SPIDR: variants seen among roughly 807,000 people sequenced by gnomAD.
SPIDR encodes the protein scaffold protein involved in DNA repair, also known as DNA repair-scaffolding protein.
A neutral mutation model predicts 104.6 loss-of-function variants in SPIDR; 93 were observed. That is an observed-to-expected ratio of 0.89 (90% CI 0.75 to 1.06). The LOEUF is 1.06. Ranked by LOEUF, SPIDR falls within the 50% of genes least tolerant of loss-of-function variation. The probability of loss-of-function intolerance (pLI) is 0.00; values close to 1 mark genes in which losing one functional copy is unlikely to be tolerated. For missense variants in SPIDR, 1,154 were observed against 1,111.2 expected (o/e 1.04, Z -0.55); for synonymous variants, 431 against 416.9 (o/e 1.03, Z -0.41).
At chr8:47,348,396 C>G (rs1162982441) in intron 5 of SPIDR, among the ~76,000 whole-genome samples, 1 of 152,174 alleles carries the variant, frequency 6.6e-6, no homozygotes, top group Non-Finnish European at 1.5e-5. Flanking sequence ...TCCTTCATTT[C>G]AACCTTGGTG....
At chr8:47,403,107 T>C (rs996395522) in intron 6 of SPIDR, among the ~76,000 whole-genome samples, 1 of 152,160 alleles carries the variant, frequency 6.6e-6, no homozygotes, top group Non-Finnish European at 1.5e-5. Context: ...AAAAACCACA[T>C]GAATATCTCA....
intron 3 of SPIDR, among the ~76,000 whole-genome samples, chr8:47,290,235 G>T (rs2039663050): frequency 6.6e-6 from 1 of 152,180 alleles, no homozygotes; most frequent in African/African-American, 2.4e-5. Context: ...TAGAGACAGG[G>T]TTTCACCATG....
intron 15 of SPIDR, 176 bp downstream of exon 15, chr8:47,713,048 A>C: frequency 7.3e-7 from 1 of 1,374,042 alleles, no homozygotes; most frequent in Non-Finnish European, 9.4e-7. Context: ...TGTAGCAGCC[A>C]CCTGGGCAGA....
chr8:47,363,428 G>A (rs193143452), intron 5 of SPIDR, among the ~76,000 whole-genome samples: 1 of 148,146 alleles, frequency 6.8e-6, no homozygotes. Flanking sequence ...GAATGGTCTC[G>A]ATCTCCTGAC....
chr8:47,390,829 G>A (rs79027381), intron 5 of SPIDR, among the ~76,000 whole-genome samples: 1 of 152,296 alleles, frequency 6.6e-6, no homozygotes, highest in African/African-American at 2.4e-5. Flanking sequence ...CAGTTGAGCT[G>A]TGATCAAAAA....
intron 1 of SPIDR, among the ~76,000 whole-genome samples, chr8:47,264,699 G>A (rs567678782): frequency 2.6e-5 from 4 of 151,400 alleles, no homozygotes; most frequent in Admixed American, 6.6e-5. Context: ...GCCCGATCTC[G>A]GCTCACTGCA....
At chr8:47,284,709 G>C (rs1431004436) in intron 3 of SPIDR, among the ~76,000 whole-genome samples, 2 of 152,252 alleles carry the variant, frequency 1.3e-5, no homozygotes, top group Non-Finnish European at 2.9e-5. Context: ...TGTAGGTGCT[G>C]AGGATTTTCG....
intron 5 of SPIDR, among the ~76,000 whole-genome samples, chr8:47,349,163 A>T (rs1421515262): frequency 6.6e-6 from 1 of 152,060 alleles, no homozygotes; most frequent in Non-Finnish European, 1.5e-5. Context: ...GTTGATGTTG[A>T]TGCTATTCCT....
intron 5 of SPIDR, among the ~76,000 whole-genome samples, chr8:47,380,936 A>G (rs2059257035): frequency 6.6e-6 from 1 of 152,136 alleles, no homozygotes; most frequent in Non-Finnish European, 1.5e-5. Context: ...AAGCCTTTCT[A>G]TTGTCTGGAA....
At chr8:47,575,926 T>C (rs1319367908) in intron 8 of SPIDR, among the ~76,000 whole-genome samples, 9 of 148,872 alleles carry the variant, frequency 6.0e-5, no homozygotes, top group East Asian at 4.0e-4. Context: ...CGCCACTGCT[T>C]TCCAGCCTGG....
At chr8:47,545,056 GTCTT>G (rs1323914432) in intron 8 of SPIDR, among the ~76,000 whole-genome samples, 3 of 149,062 alleles carry the variant, frequency 2.0e-5, no homozygotes, top group Non-Finnish European at 4.5e-5. Flanking sequence ...TTACACCAAA[GTCTT>G]TCTTTTTATC....
At chr8:47,352,209 G>A (rs201619575) in intron 5 of SPIDR, among the ~76,000 whole-genome samples, 12 of 151,748 alleles carry the variant, frequency 7.9e-5, no homozygotes, top group East Asian at 3.9e-4. Context: ...CCCGGGAGGC[G>A]GAGGTCGCAG....
chr8:47,520,669 A>G (rs938025271), intron 8 of SPIDR, among the ~76,000 whole-genome samples: 3 of 152,210 alleles, frequency 2.0e-5, no homozygotes, highest in African/African-American at 7.2e-5. Flanking sequence ...TCCTTAACAC[A>G]AATGGAAGGG....
intron 11 of SPIDR, 25 bp from the exon 12 acceptor site, chr8:47,700,378 A>G: frequency 6.2e-7 from 1 of 1,613,442 alleles, no homozygotes; most frequent in Non-Finnish European, 8.5e-7. Flanking sequence ...CTGATGATGA[A>G]TACCTTTGAC....
Position 47,709,887 on chromosome 8 carries a change from A to ATTTT in SPIDR, c.1978-2763_1978-2760dup, listed in dbSNP as rs5891256. Among the ~76,000 whole-genome samples the ATTTT allele has an allele frequency of 2.2e-3, 308 of 143,180 alleles. 5 individuals carry two copies. The highest frequency in any genetic ancestry group is 6.6e-3 in the African/African-American group (252 of 38,408). 93.9% of individuals were successfully genotyped at this position (143,180 alleles called of 152,430 possible). On this transcript the variant is annotated intron_variant, in intron 14 of 19. Coordinates refer to ENST00000297423, the MANE Select transcript of SPIDR (RefSeq NM_001080394.4). ...TTTGCCCTTCCTGAAATATTCACCA[A>ATTTT]TTTTTTTTTTTTTTTGAGATGCTCT...
chr8:47,555,586 C>G (rs540876378), intron 8 of SPIDR, among the ~76,000 whole-genome samples: 1 of 152,290 alleles, frequency 6.6e-6, no homozygotes, highest in East Asian at 1.9e-4. Flanking sequence ...TAATGGAACT[C>G]ATGTTCCTTC....
chr8:47,568,121 A>G (rs1013764047), intron 8 of SPIDR, among the ~76,000 whole-genome samples: 5 of 151,986 alleles, frequency 3.3e-5, no homozygotes, highest in Non-Finnish European at 7.4e-5. Flanking sequence ...ATGATTTTTT[A>G]AGGCATTTTC....
intron 16 of SPIDR, among the ~76,000 whole-genome samples, chr8:47,723,472 C>G (rs1351213786): frequency 1.3e-5 from 2 of 149,626 alleles, no homozygotes; most frequent in Non-Finnish European, 3.0e-5. Flanking sequence ...CTCTGTCGCC[C>G]AGGCTGGAGT....
Position 47,299,559 on chromosome 8 carries a change from C to T in SPIDR, c.525+5529C>T, listed in dbSNP as rs1324125820. Among the ~76,000 whole-genome samples, 214 of 152,192 alleles carry T rather than the reference C, an allele frequency of 1.4e-3. 4 individuals carry two copies. The South Asian group carries it at 0.044, about 31-fold the overall frequency. ...TCAAAGGGAATGCTTCCAGTTTTTG[C>T]CCATTCAGTATGATATTGGCTGTGG... On this transcript the variant is annotated intron_variant, in intron 5 of 19. Coordinates refer to ENST00000297423, the MANE Select transcript of SPIDR (RefSeq NM_001080394.4).
Sources: allele counts gnomAD v4.1 joint callset (sites outside exome capture counted in the v4.1 genomes callset), GRCh38; gene constraint gnomAD v4.1.1; transcripts MANE v1.5; gene names NCBI Gene and HGNC (gene_info 2026-07-23, HGNC 2026-07-21).